Variants in MMP10 observed in about 807,000 individuals in gnomAD.
MMP10 encodes the protein matrix metallopeptidase 10.
A neutral mutation model predicts 49.1 loss-of-function variants in MMP10; 50 were observed. That is an observed-to-expected ratio of 1.02 (90% CI 0.81 to 1.29). MMP10 has a LOEUF of 1.29. MMP10 is among the 50% of genes most tolerant of loss of function. MMP10 has a pLI of 0.00. For synonymous variants in MMP10, 229 were observed against 201.6 expected, an observed-to-expected ratio of 1.14 and a Z score of -1.15; for missense variants, 613 against 563.8, an observed-to-expected ratio of 1.09 and a Z score of -0.88.
chr11:102,776,611 C>CT lies in MMP10; in HGVS notation c.787_787+1insA (p.Gly263GlufsTer8), dbSNP rs1209689294. 3.1e-6 allele frequency: 5 copies of CT among 1,612,238 alleles called. No individual in the cohort carries two copies. The highest frequency in any genetic ancestry group is 4.2e-6 in the Non-Finnish European group (5 of 1,179,484). ...TGCCTAATTTTTCCAGCATCACTCA[C>CT]CGTAGAGAGACTGAATGCCATTCAC... On this transcript the variant is annotated frameshift_variant and splice_region_variant. Transcript: ENST00000279441. LOFTEE classifies it high-confidence loss of function.
chr11:102,776,456 TA>T lies in MMP10; in HGVS notation c.788-33del, dbSNP rs201664379. 450 of 1,528,838 alleles carry T rather than the reference TA, an allele frequency of 2.9e-4. 1 individual carries two copies. Among genetic ancestry groups the T allele is most frequent in the Admixed American group, 8.6e-4 (46 of 53,596 alleles). The allele number at this position is 1,528,838 out of a possible 1,614,324, so 94.7% of individuals were successfully genotyped here. ...GAAACAGATTTGGGGATGCAAACATTAAAAAAAAATGTGATGCATCTGTCAA... is the reference window on the plus strand; with the variant it reads ...GAAACAGATTTGGGGATGCAAACATTAAAAAAAATGTGATGCATCTGTCAA... On this transcript the variant is annotated intron_variant, in intron 5 of 9. Transcript: ENST00000279441.
chr11:102,778,717 C>A lies in MMP10; in HGVS notation c.529G>T (p.Gly177Ter). 1 of 1,613,960 alleles carries A rather than the reference C, an allele frequency of 6.2e-7. No individual in the cohort carries two copies. The highest frequency in any genetic ancestry group is 8.5e-7 in the Non-Finnish European group (1 of 1,179,962). The change falls in exon 4 of 10, where the codon GGA becomes TGA. Residue 177 changes from glycine (G) to a stop codon, truncating the protein, a stop_gained. Transcript: ENST00000279441. LOFTEE classifies it high-confidence loss of function. ...GGGTAGGCATGAGCCAAACTGTGTC[C>A]TGGGCCATCAAAAGAGTAAAAGTCT... is the stretch of plus-strand genomic sequence containing the variant. ...HGDFYSFDGP[G>*]HSLAHAYPPG...
At chr11:102,778,975 G>T (rs1056171969) in intron 3 of MMP10, among the ~76,000 whole-genome samples, 1 of 152,192 alleles carries the variant, frequency 6.6e-6, no homozygotes, top group African/African-American at 2.4e-5. Context: ...TTTTATGAAA[G>T]AAGCTTGAGG....
chr11:102,774,347 T>A (rs1490021994), intron 7 of MMP10, among the ~76,000 whole-genome samples: 1 of 151,770 alleles, frequency 6.6e-6, no homozygotes, highest in Non-Finnish European at 1.5e-5. Flanking sequence ...AAGGCAACAA[T>A]AAAGATATGA....
chr11:102,773,160 G>A (rs946761985), intron 7 of MMP10, among the ~76,000 whole-genome samples, 154 bp from the exon 8 acceptor site: 1 of 149,814 alleles, frequency 6.7e-6, no homozygotes, highest in Non-Finnish European at 1.5e-5. Context: ...CTCCCTGAAT[G>A]AGCGAGTGAA....
At chr11:102,778,114 C>T (rs546736541) in intron 4 of MMP10, among the ~76,000 whole-genome samples, 21 of 151,824 alleles carry the variant, frequency 1.4e-4, no homozygotes, top group East Asian at 1.3e-3. Flanking sequence ...CAATTTAGGG[C>T]GAAAAAAACC....
In MMP10 at chr11:102,780,622, G is replaced by A; in HGVS notation, c.-31C>T. On this transcript the variant is annotated 5_prime_UTR_variant, in exon 1 of 10. Transcript: ENST00000279441. The stretch of plus-strand genomic sequence containing the variant: ...CTGCCCTTACCTTCTTTGTCTACTG[G>A]GCTTCTAGCTCTACCCCCTAGTGGC... The A allele has an allele frequency of 6.3e-7, 1 of 1,593,328 alleles. No individual in the cohort carries two copies. The highest frequency in any genetic ancestry group is 8.6e-7 in the Non-Finnish European group (1 of 1,164,506).
chr11:102,773,498 A>T (rs1282473237), intron 7 of MMP10, among the ~76,000 whole-genome samples: 3 of 152,186 alleles, frequency 2.0e-5, no homozygotes, highest in Non-Finnish European at 4.4e-5. Context: ...TTACTTTGTT[A>T]CATCACTCTC....
chr11:102,779,867 A>G, intron 1 of MMP10, 122 bp from the exon 2 acceptor site: 3 of 1,158,394 alleles, frequency 2.6e-6, no homozygotes, highest in Non-Finnish European at 3.5e-6. Flanking sequence ...ATTTAATTTG[A>G]TTTTTCATTA....
Position 102,776,352 on chromosome 11 carries a change from G to A in MMP10, c.860C>T (p.Ala287Val), listed in dbSNP as rs754542564. 5.6e-6 allele frequency: 9 copies of A among 1,613,630 alleles called. No homozygotes were observed. The highest frequency in any genetic ancestry group is 6.8e-6 in the Non-Finnish European group (8 of 1,179,760). The change falls in exon 6 of 10, where the codon GCC becomes GTC. Residue 287 changes from alanine to valine, a missense_variant. Coordinates refer to ENST00000279441, the MANE Select transcript of MMP10 (RefSeq NM_002425.3). ...KSVPSGSEMP[A>V]KCDPALSFDA... ...GAAGGACAAAGCAGGATCACACTTGGCTGGCATCTCAGATCCCGAAGGAAC... is the reference window on the plus strand; with the variant it reads ...GAAGGACAAAGCAGGATCACACTTGACTGGCATCTCAGATCCCGAAGGAAC...
intron 6 of MMP10, among the ~76,000 whole-genome samples, chr11:102,775,934 G>C (rs1434052960): frequency 1.3e-5 from 2 of 152,054 alleles, no homozygotes; most frequent in Non-Finnish European, 2.9e-5. Flanking sequence ...TAGGGACCAA[G>C]AATCATCCCT....
intron 5 of MMP10, 90 bp from the exon 6 acceptor site, chr11:102,776,514 T>C: frequency 6.3e-7 from 1 of 1,579,390 alleles, no homozygotes; most frequent in Non-Finnish European, 8.6e-7. Flanking sequence ...CTCAAAGTGC[T>C]TCAGGCCAAA....
chr11:102,780,478 G>A lies in MMP10; in HGVS notation c.105+9C>T, dbSNP rs371729195. 48 of 1,612,764 alleles carry A rather than the reference G, an allele frequency of 3.0e-5. 1 individual carries two copies. Among genetic ancestry groups the A allele is most frequent in the South Asian group, 2.3e-4 (21 of 90,956 alleles). On this transcript the variant is annotated intron_variant, in intron 1 of 9. Transcript: ENST00000279441. ...GCCAGTAGCTGCAATAGATGCCACC[G>A]TTAATTACCTGGGCAAGATCCTTGT...
In MMP10 at chr11:102,776,629, C is replaced by A. The variant is rs781624849; in HGVS notation, c.770G>T (p.Gly257Val). The A allele has an allele frequency of 2.4e-5, 38 of 1,613,026 alleles. No homozygotes were observed. Among genetic ancestry groups the A allele is most frequent in the Non-Finnish European group, 3.1e-5 (36 of 1,179,750 alleles). Reference protein sequence around the residue: ...QFRLSQDDVNGIQSLYGPPPA... With the variant: ...QFRLSQDDVNVIQSLYGPPPA... Reference sequence around the variant, plus strand: ...TCACTCACCGTAGAGAGACTGAATGCCATTCACATCATCTTGCGAAAGGCG... The same window carrying A: ...TCACTCACCGTAGAGAGACTGAATGACATTCACATCATCTTGCGAAAGGCG... The change falls in exon 5 of 10, where the codon GGC becomes GTC. Residue 257 changes from glycine (G) to valine (V), a missense_variant. Coordinates refer to ENST00000279441, the MANE Select transcript of MMP10 (RefSeq NM_002425.3).
chr11:102,776,234 T>A, intron 6 of MMP10, 46 bp downstream of exon 6: 2 of 1,552,424 alleles, frequency 1.3e-6, no homozygotes, highest in Non-Finnish European at 1.8e-6. Flanking sequence ...TTCTAAGCAC[T>A]GTACATCAAA....
chr11:102,774,998 G>A (rs535330879), intron 7 of MMP10, among the ~76,000 whole-genome samples, 190 bp downstream of exon 7: 81 of 152,186 alleles, frequency 5.3e-4, no homozygotes, highest in South Asian at 4.1e-4. Flanking sequence ...TTATGAATAT[G>A]GAATGCCACC....
intron 5 of MMP10, 29 bp from the exon 6 acceptor site, chr11:102,776,453 C>T (rs755939221): frequency 6.3e-7 from 1 of 1,598,918 alleles, no homozygotes; most frequent in Non-Finnish European, 8.5e-7. Context: ...GGGATGCAAA[C>T]ATTAAAAAAA....
chr11:102,775,293 G>A lies in MMP10; in HGVS notation c.961C>T (p.Pro321Ser), dbSNP rs778525609. The A allele has an allele frequency of 2.5e-6, 4 of 1,609,504 alleles. No homozygotes were observed. The Admixed American group carries it at 6.7e-5, about 27-fold the overall frequency. Residue 321 changes from proline (P) to serine (S), a missense_variant, in exon 7 of 10, where the codon CCT becomes TCT. Pro to Ser is a moderately conservative substitution (Grantham distance 74, BLOSUM62 -1). Coordinates refer to ENST00000279441, the MANE Select transcript of MMP10 (RefSeq NM_002425.3). Reference sequence around the variant, plus strand: ...GAAATCAAATGAAATTCAGGTTCAGGGTTCCAGTGGGATCTTCGCCAAAAA... The same window carrying A: ...GAAATCAAATGAAATTCAGGTTCAGAGTTCCAGTGGGATCTTCGCCAAAAA... ...RYFWRRSHWN[P>S]EPEFHLISAF... is the part of the protein sequence containing the mutation.
chr11:102,778,574 G>T (rs1408412816), intron 4 of MMP10, 50 bp downstream of exon 4: 1 of 1,590,684 alleles, frequency 6.3e-7, no homozygotes, highest in Non-Finnish European at 8.5e-7. Flanking sequence ...TTATTTTTGG[G>T]TAGGATTGGA....
Sources: allele counts gnomAD v4.1 joint callset (sites outside exome capture counted in the v4.1 genomes callset), GRCh38; gene constraint gnomAD v4.1.1; transcripts MANE v1.5; gene names NCBI Gene and HGNC (gene_info 2026-07-23, HGNC 2026-07-21).